The following RNF212B variants were observed in gnomAD, a reference collection of about 807,000 sequenced individuals.
RNF212B encodes E3 ubiquitin-protein ligase RNF212B.
In RNF212B, 52 loss-of-function variants were observed where a neutral mutation model predicts 55.5. That is an observed-to-expected ratio of 0.94 (90% confidence interval 0.75 to 1.18). The LOEUF (loss-of-function observed/expected upper bound fraction) is 1.18. Among genes scored for constraint, RNF212B ranks in the 50% most tolerant of loss-of-function variants. The pLI is 0.00. For synonymous variants in RNF212B, 99 were observed against 121.4 expected, an observed-to-expected ratio of 0.82 and a Z score of 1.21; for missense variants, 289 against 350.4, an observed-to-expected ratio of 0.82 and a Z score of 1.40.
intron 11 of RNF212B, among the ~76,000 whole-genome samples, chr14:23,267,505 T>C (rs1236433049): frequency 1.3e-5 from 2 of 152,118 alleles, no homozygotes; most frequent in Non-Finnish European, 2.9e-5. Flanking sequence ...CTTGGCTCAC[T>C]GCAACCTCCT....
At chr14:23,251,215 C>G (rs1468214956) in intron 4 of RNF212B, among the ~76,000 whole-genome samples, 1 of 151,782 alleles carries the variant, frequency 6.6e-6, no homozygotes, top group Admixed American at 6.6e-5. Flanking sequence ...TTTTCTGATA[C>G]CAACCAGTTC....
At chr14:23,264,311 A>G in intron 10 of RNF212B, 77 bp downstream of exon 10, 1 of 1,226,964 alleles carries the variant, frequency 8.2e-7, no homozygotes, top group Non-Finnish European at 1.2e-6. Flanking sequence ...CAAGAACTTA[A>G]ATTTATATTG....
At chr14:23,226,603 C>G (rs1054876018) in intron 2 of RNF212B, among the ~76,000 whole-genome samples, 1 of 152,132 alleles carries the variant, frequency 6.6e-6, no homozygotes, top group East Asian at 1.9e-4. Flanking sequence ...CACACTCCAG[C>G]CTGGGTGACA....
intron 4 of RNF212B, among the ~76,000 whole-genome samples, chr14:23,248,553 T>C (rs533239450): frequency 1.3e-5 from 2 of 149,196 alleles, no homozygotes; most frequent in South Asian, 4.4e-4. Context: ...GCAATTATCC[T>C]GCCTCCACCT....
intron 4 of RNF212B, among the ~76,000 whole-genome samples, chr14:23,251,556 C>T (rs1884403533): frequency 6.6e-6 from 1 of 152,226 alleles, no homozygotes; most frequent in South Asian, 2.1e-4. Context: ...TGGCTCACGC[C>T]TGTAATCCCA....
At chr14:23,219,239 T>C (rs1423036755) in intron 2 of RNF212B, among the ~76,000 whole-genome samples, 1 of 152,042 alleles carries the variant, frequency 6.6e-6, no homozygotes, top group African/African-American at 2.4e-5. Context: ...CAAGAAGAAA[T>C]CATCGGAAGG....
chr14:23,242,032 A>G (rs897402261), intron 2 of RNF212B, among the ~76,000 whole-genome samples: 1 of 147,322 alleles, frequency 6.8e-6, no homozygotes, highest in Admixed American at 6.8e-5. Flanking sequence ...CAGTGAGCCA[A>G]GATCGTGCCA....
At chr14:23,260,999 G>A (rs1241088988) in intron 7 of RNF212B, among the ~76,000 whole-genome samples, 1 of 152,148 alleles carries the variant, frequency 6.6e-6, no homozygotes, top group Non-Finnish European at 1.5e-5. Context: ...TACACTCGCC[G>A]GCAGTTTTGC....
At chr14:23,257,314 G>A (rs1022821533) in intron 4 of RNF212B, among the ~76,000 whole-genome samples, 2 of 152,080 alleles carry the variant, frequency 1.3e-5, no homozygotes, top group Non-Finnish European at 2.9e-5. Flanking sequence ...TGATCACCAT[G>A]CCTGGCTTAA....
intron 4 of RNF212B, among the ~76,000 whole-genome samples, chr14:23,257,755 C>A (rs1884953831): frequency 6.6e-6 from 1 of 152,024 alleles, no homozygotes; most frequent in African/African-American, 2.4e-5. Context: ...CGTGTGCATG[C>A]CCAGAAAAAA....
intron 14 of RNF212B, 69 bp from the exon 15 acceptor site, chr14:23,272,754 T>A: frequency 1.1e-6 from 1 of 938,406 alleles, no homozygotes; most frequent in East Asian, 2.6e-5. Context: ...ATACAACAGG[T>A]CAGAGAGACT....
intron 2 of RNF212B, among the ~76,000 whole-genome samples, chr14:23,204,303 G>A (rs949151872): frequency 2.6e-5 from 4 of 152,122 alleles, no homozygotes; most frequent in African/African-American, 9.7e-5. Context: ...CCTTGCCTAA[G>A]CCAATGTCTA....
chr14:23,187,822 T>G (rs1877740778), intron 1 of RNF212B, among the ~76,000 whole-genome samples: 1 of 151,996 alleles, frequency 6.6e-6, no homozygotes, highest in Admixed American at 6.6e-5. Flanking sequence ...CTTCCCAGAG[T>G]CCCAGGGATC....
At chr14:23,216,672 G>T (rs1467502554) in intron 2 of RNF212B, among the ~76,000 whole-genome samples, 1 of 151,736 alleles carries the variant, frequency 6.6e-6, no homozygotes, top group African/African-American at 2.4e-5. Flanking sequence ...TTGAGCTTAG[G>T]AGTTCAAGAC....
At chr14:23,225,403 C>A (rs766167471) in intron 2 of RNF212B, among the ~76,000 whole-genome samples, 2 of 152,182 alleles carry the variant, frequency 1.3e-5, no homozygotes, top group Non-Finnish European at 2.9e-5. Flanking sequence ...TTGGAAGCAA[C>A]TTAAGTGTCC....
chr14:23,223,054 CA>C (rs55694130), intron 2 of RNF212B, among the ~76,000 whole-genome samples: 2,372 of 124,738 alleles, frequency 0.019, 57 homozygotes, highest in African/African-American at 0.068. Flanking sequence ...AACTCCGTCT[CA>C]AAAAAAAAAA....
chr14:23,257,558 A>G (rs2140466385), intron 4 of RNF212B, among the ~76,000 whole-genome samples: 1 of 152,326 alleles, frequency 6.6e-6, no homozygotes, highest in East Asian at 1.9e-4. Flanking sequence ...AAAGGACCCT[A>G]GACAAAAGAG....
chr14:23,237,918 G>T (rs555008274), upstream of RNF212B, among the ~76,000 whole-genome samples: 3 of 152,202 alleles, frequency 2.0e-5, no homozygotes, highest in South Asian at 6.2e-4. Flanking sequence ...CTCTCACACC[G>T]CCTCGGCTGC....
At chr14:23,264,535 T>TG in intron 10 of RNF212B, 88 bp from the exon 11 acceptor site, 1 of 959,342 alleles carries the variant, frequency 1.0e-6, no homozygotes, top group Middle Eastern at 2.3e-4. Context: ...AATATATGCT[T>TG]GAATGTGTAG....
Sources: allele counts gnomAD v4.1 joint callset (sites outside exome capture counted in the v4.1 genomes callset), GRCh38; gene constraint gnomAD v4.1.1; transcripts MANE v1.5; gene names NCBI Gene and HGNC (gene_info 2026-07-23, HGNC 2026-07-21).